Variants in ZNF827 observed in about 807,000 individuals in gnomAD.
The protein encoded by ZNF827 is zinc finger protein 827.
ZNF827 carries 13 observed loss-of-function variants against 102.4 expected under a neutral mutation model. That is an observed-to-expected ratio of 0.13 (90% CI 0.08 to 0.20). ZNF827 has a LOEUF of 0.20. ZNF827 is among the 10% of genes least tolerant of loss of function. The pLI is 1.00. For missense variants in ZNF827, 1,103 were observed against 1,344.4 expected, an observed-to-expected ratio of 0.82 and a Z score of 2.81; for synonymous variants, 523 against 536.2, an observed-to-expected ratio of 0.98 and a Z score of 0.34.
In ZNF827 at chr4:145,885,750, T is replaced by C; in HGVS notation, c.1675A>G (p.Asn559Asp). The C allele has an allele frequency of 6.3e-7, 1 of 1,597,854 alleles. No homozygotes were observed. Among genetic ancestry groups the C allele is most frequent in the Non-Finnish European group, 8.5e-7 (1 of 1,172,024 alleles). Reference protein sequence around the residue: ...KLKDPSEYVANSASALFSQDI... With the variant: ...KLKDPSEYVADSASALFSQDI... ...TGGCTGAACAATGCTGACGCACTGT[T>C]GGCCACATACTCGGAGGGGTCTTTC... is the stretch of plus-strand genomic sequence containing the variant. The change falls in exon 4 of 15, where the codon AAC becomes GAC. Residue 559 changes from asparagine to aspartate, a missense_variant. Coordinates refer to ENST00000508784, the MANE Select transcript of ZNF827 (RefSeq NM_001306215.2).
In ZNF827 at chr4:145,856,682, TACACACACACACACACACACACACAC is replaced by T. The variant is rs58347486; in HGVS notation, c.1982-7147_1982-7122del. Among the ~76,000 whole-genome samples the T allele has an allele frequency of 4.2e-4, 60 of 141,890 alleles. No homozygotes were observed. In the East Asian group the frequency reaches 0.012, roughly 28 times the overall value. The allele number at this position is 141,890 out of a possible 152,430, so 93.1% of individuals were successfully genotyped here. ...CATACAATGACCTCCAGTACACACATACACACACACACACACACACACACACACACACACACACACACCCCATTTCA... is the reference window on the plus strand; with the variant it reads ...CATACAATGACCTCCAGTACACACATACACACACACACACACCCCATTTCA... On this transcript the variant is annotated intron_variant, in intron 5 of 14. Coordinates refer to ENST00000508784, the MANE Select transcript of ZNF827 (RefSeq NM_001306215.2).
chr4:145,867,073 C>A (rs1021479753), intron 5 of ZNF827, among the ~76,000 whole-genome samples: 1 of 152,200 alleles, frequency 6.6e-6, no homozygotes, highest in Non-Finnish European at 1.5e-5. Flanking sequence ...CTTTGGCAAC[C>A]ATATGCTTAG....
chr4:145,926,319 T>C lies in ZNF827; in HGVS notation c.43+12046A>G, dbSNP rs141781480. Among the ~76,000 whole-genome samples, 217 of 152,340 alleles carry C rather than the reference T, an allele frequency of 1.4e-3. 2 individuals are homozygous for C. The East Asian group carries it at 0.02, about 14-fold the overall frequency. ...ATGCACAATTTTTATCCACCCCCAC[T>C]CTTAAGTATTCCCAATTGCCTCAAT... On this transcript the variant is annotated intron_variant, in intron 1 of 14. Transcript: ENST00000508784.
chr4:145,938,610 C>G lies in ZNF827; in HGVS notation c.-203G>C. 1.9e-6 allele frequency: 1 copy of G among 520,986 alleles called. No individual in the cohort carries two copies. The highest frequency in any genetic ancestry group is 3.1e-5 in the East Asian group (1 of 32,764). The allele number at this position is 520,986 out of a possible 1,614,324, so 32.3% of individuals were successfully genotyped here. A position where few individuals can be genotyped will look rare whatever the true frequency, so the allele number is the denominator to read the frequency against. On this transcript the variant is annotated 5_prime_UTR_variant, in exon 1 of 15. Transcript: ENST00000508784. ...AAGAGGGGTTTTCTTCTTTTCTTTC[C>G]TTTCTTTTTTCCTTTTTTTTTTTTT...
chr4:145,885,632 G>C (rs1750047585), intron 4 of ZNF827, 46 bp downstream of exon 4: 2 of 1,500,448 alleles, frequency 1.3e-6, no homozygotes, highest in Non-Finnish European at 1.8e-6. Context: ...GAGAGAGAGA[G>C]AGAGAGAGAG....
intron 13 of ZNF827, among the ~76,000 whole-genome samples, chr4:145,764,296 T>C (rs1269175800): frequency 6.6e-6 from 1 of 152,228 alleles, no homozygotes; most frequent in East Asian, 1.9e-4. Flanking sequence ...AGGACATACA[T>C]TTCTTGAGGG....
chr4:145,761,137 G>C lies in ZNF827; in HGVS notation c.*479C>G. On this transcript the variant is annotated 3_prime_UTR_variant, in exon 15 of 15. Coordinates refer to ENST00000508784, the MANE Select transcript of ZNF827 (RefSeq NM_001306215.2). The surrounding 1 kb of genome is among the most constrained non-coding windows in gnomAD (Gnocchi z 6.8). The stretch of plus-strand genomic sequence containing the variant: ...CACCAGGAGCGGGGCCCCCGGGCCG[G>C]CCGGTTCCTTGGGGGCTGGACACAG... 16 of 1,289,746 alleles carry C rather than the reference G, an allele frequency of 1.2e-5. No homozygotes were observed. Among genetic ancestry groups the C allele is most frequent in the Non-Finnish European group, 1.6e-5 (16 of 988,790 alleles). The allele number at this position is 1,289,746 out of a possible 1,614,324, so 79.9% of individuals were successfully genotyped here. A position where few individuals can be genotyped will look rare whatever the true frequency, so the allele number is the denominator to read the frequency against.
Position 145,862,226 on chromosome 4 carries a change from TG to T in ZNF827, c.1981+8018del, listed in dbSNP as rs151094841. Among the ~76,000 whole-genome samples the T allele has an allele frequency of 8.0e-3, 1,220 of 152,312 alleles. 18 individuals carry two copies. Among genetic ancestry groups the T allele is most frequent in the African/African-American group, 0.027 (1,116 of 41,562 alleles). ...GTTGGAATAAGTTCCTCTTTGTAGC[TG>T]AGAAAGAACCAAGTTCCAGGGCTGG... On this transcript the variant is annotated intron_variant, in intron 5 of 14. Transcript: ENST00000508784.
At chr4:145,912,125 A>G (rs1401712834) in intron 1 of ZNF827, among the ~76,000 whole-genome samples, 4 of 152,240 alleles carry the variant, frequency 2.6e-5, no homozygotes, top group Non-Finnish European at 5.9e-5. Context: ...GTAACCAAAA[A>G]TTATCAAAGT....
intron 8 of ZNF827, among the ~76,000 whole-genome samples, chr4:145,812,155 A>T (rs1579260135): frequency 1.3e-5 from 2 of 150,978 alleles, no homozygotes; most frequent in East Asian, 3.9e-4. Flanking sequence ...TTAAACCCTG[A>T]CCTCAGGTGA....
At chr4:145,897,231 A>C (rs1263403904) in intron 2 of ZNF827, among the ~76,000 whole-genome samples, 1 of 152,242 alleles carries the variant, frequency 6.6e-6, no homozygotes, top group Non-Finnish European at 1.5e-5. Flanking sequence ...TGGGCTAAAA[A>C]AAAATTTTTT....
At chr4:145,835,477 G>A (rs1410453114) in intron 7 of ZNF827, among the ~76,000 whole-genome samples, 75 of 150,390 alleles carry the variant, frequency 5.0e-4, no homozygotes, top group Non-Finnish European at 9.2e-4. Flanking sequence ...CTCCTTTTTA[G>A]TTATCCCCAC....
chr4:145,859,567 C>A lies in ZNF827; in HGVS notation c.1982-10006G>T, dbSNP rs569234791. Among the ~76,000 whole-genome samples the A allele has an allele frequency of 6.6e-5, 10 of 152,302 alleles. No homozygotes were observed. In the East Asian group the frequency reaches 1.9e-3, roughly 29 times the overall value. ...CCATAGTTTCTGGAGATACAGAGTG[C>A]ATGGATATTCCCCTGATGTATTTTG... On this transcript the variant is annotated intron_variant, in intron 5 of 14. Coordinates refer to ENST00000508784, the MANE Select transcript of ZNF827 (RefSeq NM_001306215.2).
chr4:145,812,877 C>T (rs1280533900), intron 8 of ZNF827, among the ~76,000 whole-genome samples: 1 of 152,152 alleles, frequency 6.6e-6, no homozygotes, highest in African/African-American at 2.4e-5. Context: ...CAGTCGTCCC[C>T]TCCTCTGTGG....
At chr4:145,861,561 T>A (rs1747733678) in intron 5 of ZNF827, among the ~76,000 whole-genome samples, 1 of 152,168 alleles carries the variant, frequency 6.6e-6, no homozygotes, top group South Asian at 2.1e-4. Flanking sequence ...ACCGATTAGG[T>A]AACATCTGTA....
chr4:145,908,168 A>G (rs772556587), intron 1 of ZNF827, among the ~76,000 whole-genome samples: 1 of 152,242 alleles, frequency 6.6e-6, no homozygotes, highest in Non-Finnish European at 1.5e-5. Flanking sequence ...TGAAAAAAAT[A>G]TATAACAAAG....
At chr4:145,927,848 G>A (rs1056105894) in intron 1 of ZNF827, among the ~76,000 whole-genome samples, 1 of 152,214 alleles carries the variant, frequency 6.6e-6, no homozygotes, top group African/African-American at 2.4e-5. Context: ...AGTGCTTCAT[G>A]AAGAATAAAG....
intron 4 of ZNF827, among the ~76,000 whole-genome samples, chr4:145,875,063 T>C (rs1301323386): frequency 6.6e-6 from 1 of 152,218 alleles, no homozygotes; most frequent in Non-Finnish European, 1.5e-5. Context: ...GAAATTACTG[T>C]ATAACTAGAA....
At chr4:145,806,865 T>C (rs1171448378) in intron 8 of ZNF827, among the ~76,000 whole-genome samples, 1 of 152,200 alleles carries the variant, frequency 6.6e-6, no homozygotes, top group Admixed American at 6.5e-5. Context: ...GAACACTCTA[T>C]TTTCAACAAC....
Sources: allele counts gnomAD v4.1 joint callset (sites outside exome capture counted in the v4.1 genomes callset), GRCh38; gene constraint gnomAD v4.1.1; non-coding constraint Gnocchi (gnomAD v3.1); transcripts MANE v1.5; gene names NCBI Gene and HGNC (gene_info 2026-07-23, HGNC 2026-07-21).